Variants in ERC1 observed in about 807,000 individuals in gnomAD.
The protein encoded by ERC1 is ELKS/RAB6-interacting/CAST family member 1, also known as RAB6 interacting protein 2.
A neutral mutation model predicts 132.0 loss-of-function variants in ERC1; 56 were observed. That is an observed-to-expected ratio of 0.42 (90% CI 0.34 to 0.53). ERC1 has a LOEUF of 0.53. ERC1 is among the 20% of genes least tolerant of loss of function. The pLI, the probability that ERC1 is intolerant of heterozygous loss-of-function variation, is 0.03. For missense variants in ERC1, 1,202 were observed against 1,349.9 expected (o/e 0.89, Z 1.72); for synonymous variants, 478 against 476.1 (o/e 1.00, Z -0.05).
intron 1 of ERC1, among the ~76,000 whole-genome samples, chr12:1,012,369 C>T (rs1409794532): frequency 3.9e-5 from 6 of 152,046 alleles, no homozygotes; most frequent in African/African-American, 1.4e-4. Flanking sequence ...TGTGTATCTA[C>T]CACCTAGCTT....
At chr12:1,484,066 G>GTCCAA (rs1397459773) in intron 18 of ERC1, among the ~76,000 whole-genome samples, 1 of 99,412 alleles carries the variant, frequency 1.0e-5, no homozygotes, top group East Asian at 2.6e-4. Context: ...AGCACTTTGG[G>GTCCAA]AGGCTGAGGC....
At position 1,028,128 on chromosome 12, in the gene ERC1, T is replaced by G; in HGVS notation, c.225T>G (p.Ser75Arg). The stretch of plus-strand genomic sequence containing the variant: ...CCACCTCTGGCCCTATGTATCTAAG[T>G]GACCATGAAAATGTGGGTTCAGAAA... ...AYATSGPMYLSDHENVGSETP... is the reference protein window; with the variant it reads ...AYATSGPMYLRDHENVGSETP... The change falls in exon 2 of 19, where the codon AGT (serine) becomes AGG (arginine). Residue 75 changes from serine to arginine, a missense_variant. Ser to Arg is a moderately radical substitution (Grantham distance 110). Transcript: ENST00000360905. 6.2e-7 allele frequency: 1 copy of G among 1,614,216 alleles called. No homozygotes were observed. The highest frequency in any genetic ancestry group is 8.5e-7 in the Non-Finnish European group (1 of 1,180,034).
At chr12:1,108,657 G>C (rs1172918152) in intron 4 of ERC1, among the ~76,000 whole-genome samples, 1 of 151,920 alleles carries the variant, frequency 6.6e-6, no homozygotes, top group Non-Finnish European at 1.5e-5. Context: ...ACTTTTTATG[G>C]GTCAGTCATT....
At chr12:1,255,783 C>G (rs545939031) in intron 13 of ERC1, among the ~76,000 whole-genome samples, 54 of 151,676 alleles carry the variant, frequency 3.6e-4, no homozygotes, top group African/African-American at 1.2e-3. Flanking sequence ...CAGGCACCCA[C>G]CACCACTCCT....
intron 16 of ERC1, among the ~76,000 whole-genome samples, chr12:1,387,334 G>A (rs1393093001): frequency 6.6e-6 from 1 of 152,134 alleles, no homozygotes; most frequent in Non-Finnish European, 1.5e-5. Context: ...GTATGGGACA[G>A]ATAAGAATTT....
chr12:1,414,622 T>C (rs1160909792), intron 17 of ERC1, among the ~76,000 whole-genome samples: 1 of 152,150 alleles, frequency 6.6e-6, no homozygotes, highest in Admixed American at 6.5e-5. Flanking sequence ...CCTATGTAAG[T>C]TAGTTTATCC....
chr12:1,191,022 C>T, intron 12 of ERC1, among the ~76,000 whole-genome samples: 1 of 151,790 alleles, frequency 6.6e-6, no homozygotes, highest in East Asian at 1.9e-4. Flanking sequence ...TTTTCCTATT[C>T]TATAGTCATA....
chr12:1,114,300 C>T (rs113405377), intron 6 of ERC1, among the ~76,000 whole-genome samples: 6,700 of 152,230 alleles, frequency 0.044, 504 homozygotes, highest in African/African-American at 0.15. Flanking sequence ...TGATTACAGG[C>T]GTGAGCCACT....
chr12:1,341,069 C>CTTTTTTTTTTTTTTTTTTTTTTTTTTT lies in ERC1; in HGVS notation c.2781-30748_2781-30722dup, dbSNP rs35902573. 2.6e-3 allele frequency among the ~76,000 whole-genome samples: 166 copies of CTTTTTTTTTTTTTTTTTTTTTTTTTTT among 63,144 alleles called. 42 individuals are homozygous for CTTTTTTTTTTTTTTTTTTTTTTTTTTT. The highest frequency in any genetic ancestry group is 3.6e-3 in the East Asian group (5 of 1,372). The allele number at this position is 63,144 out of a possible 152,430, so 41.4% of individuals were successfully genotyped here. The stretch of plus-strand genomic sequence containing the variant: ...AATGTCCACTTATTCTTTTCTTTTT[C>CTTTTTTTTTTTTTTTTTTTTTTTTTTT]TTTTTTTTTTTTTTTTTTTTTTTTT... On this transcript the variant is annotated intron_variant, in intron 15 of 18. Transcript: ENST00000360905.
chr12:1,101,910 G>A (rs891537530), intron 3 of ERC1, among the ~76,000 whole-genome samples: 12 of 152,182 alleles, frequency 7.9e-5, no homozygotes, highest in African/African-American at 2.4e-4. Context: ...TCATGGTGAT[G>A]TTGCATCTAC....
At chr12:1,208,983 T>TTC (rs1957604219) in intron 12 of ERC1, among the ~76,000 whole-genome samples, 2 of 110,406 alleles carry the variant, frequency 1.8e-5, no homozygotes, top group African/African-American at 7.5e-5. Context: ...TTTTTTTTTT[T>TTC]TTTGAGGTGG....
intron 18 of ERC1, among the ~76,000 whole-genome samples, chr12:1,460,235 TAAAAA>T (rs2093618108): frequency 1.3e-5 from 2 of 152,206 alleles, no homozygotes; most frequent in South Asian, 4.1e-4. Context: ...TATTTTAAAA[TAAAAA>T]GTTTTTAAAA....
chr12:1,378,555 T>C (rs11061728), intron 16 of ERC1, among the ~76,000 whole-genome samples: 61,678 of 152,086 alleles, frequency 0.41, 13,758 homozygotes, highest in African/African-American at 0.59. Context: ...ATGAAATCCA[T>C]GATGGAAGCT....
At chr12:1,386,030 CCTTTT>C (rs1350015477) in intron 16 of ERC1, 2 of 134,840 alleles carry the variant, frequency 1.5e-5, no homozygotes, top group African/African-American at 3.1e-5. Context: ...GCAATGCAGC[CCTTTT>C]TTTTTTTTTT....
Position 1,116,930 on chromosome 12 carries a change from C to G in ERC1, c.1569+897C>G, listed in dbSNP as rs540415332. ...TGATCTAGACTATTGGCTATGACTT[C>G]AGTTAGGTATCCACCATCTTCAGAT... On this transcript the variant is annotated intron_variant, in intron 7 of 18. Transcript: ENST00000360905. Among the ~76,000 whole-genome samples the G allele has an allele frequency of 1.2e-4, 18 of 152,262 alleles. 1 individual carries two copies. In the South Asian group the frequency reaches 3.7e-3, roughly 32 times the overall value.
At chr12:1,363,802 C>CAAATTGTT (rs901337977) in intron 15 of ERC1, among the ~76,000 whole-genome samples, 1 of 152,108 alleles carries the variant, frequency 6.6e-6, no homozygotes. Flanking sequence ...GTGATCCACC[C>CAAATTGTT]GCCTCAGCCT....
At chr12:1,474,442 G>A (rs892858335) in intron 18 of ERC1, among the ~76,000 whole-genome samples, 2 of 152,142 alleles carry the variant, frequency 1.3e-5, no homozygotes, top group South Asian at 2.1e-4. Context: ...ACTATGAATA[G>A]AGTTGTTTAC....
intron 3 of ERC1, among the ~76,000 whole-genome samples, chr12:1,101,047 G>T (rs1944601542): frequency 6.6e-6 from 1 of 152,156 alleles, no homozygotes; most frequent in South Asian, 2.1e-4. Flanking sequence ...AATGCTGCTG[G>T]TCAGGTACAG....
chr12:1,105,033 G>T (rs572863986), intron 4 of ERC1, among the ~76,000 whole-genome samples: 46 of 152,282 alleles, frequency 3.0e-4, no homozygotes, highest in African/African-American at 1.1e-3. Context: ...GGACCAAAAA[G>T]AGTTGAACAG....
Sources: gnomAD v4.1 joint callset for allele counts (sites outside exome capture counted in the v4.1 genomes callset) on GRCh38, gnomAD v4.1.1 for gene constraint, MANE v1.5 for transcripts, NCBI Gene and HGNC (gene_info 2026-07-23, HGNC 2026-07-21) for gene names.